The following STAC variants were observed in gnomAD, a reference collection of about 807,000 sequenced individuals.
The protein encoded by STAC is SH3 and cysteine rich domain, also known as SH3 and cysteine-rich domain-containing protein.
STAC carries 43 observed loss-of-function variants against 48.8 expected under a neutral mutation model. The ratio of observed to expected loss-of-function variants is 0.88; its 90% CI spans 0.69 to 1.14. STAC has a LOEUF of 1.14. Ranked by LOEUF, STAC falls within the 50% of genes most tolerant of loss-of-function variation. The pLI, the probability that STAC is intolerant of heterozygous loss-of-function variation, is 0.00. For missense variants in STAC, 497 were observed against 504.0 expected (o/e 0.99, Z 0.13); for synonymous variants, 193 against 179.5 (o/e 1.07, Z -0.60).
Position 36,403,494 on chromosome 3 carries a change from T to A in STAC, c.111+22740T>A, listed in dbSNP as rs539227190. 4.6e-5 allele frequency among the ~76,000 whole-genome samples: 7 copies of A among 151,558 alleles called. No individual in the cohort carries two copies. The East Asian group carries it at 1.4e-3, about 29-fold the overall frequency. Reference sequence around the variant, plus strand: ...AAAATTTTTTAATAGAAAAAAATTTTAAAAATTCAGTAGAAAAAAAGTTAT... The same window carrying A: ...AAAATTTTTTAATAGAAAAAAATTTAAAAAATTCAGTAGAAAAAAAGTTAT... On this transcript the variant is annotated intron_variant, in intron 1 of 10. Transcript: ENST00000273183.
At chr3:36,504,845 GAT>G (rs1386686791) in intron 7 of STAC, among the ~76,000 whole-genome samples, 8 of 151,716 alleles carry the variant, frequency 5.3e-5, no homozygotes, top group African/African-American at 1.9e-4. Context: ...TAGATAAAAA[GAT>G]ATATATAGTT....
At chr3:36,483,204 C>A in intron 3 of STAC, 112 bp downstream of exon 3, 1 of 731,846 alleles carries the variant, frequency 1.4e-6, no homozygotes. Flanking sequence ...CAAAGCACCC[C>A]AGAACTGGCT....
At chr3:36,493,329 C>T in intron 6 of STAC, 100 bp downstream of exon 6, 1 of 1,118,176 alleles carries the variant, frequency 8.9e-7, no homozygotes, top group South Asian at 1.3e-5. Context: ...TCTGCTAGCT[C>T]TGGAATTTAA....
At chr3:36,473,702 T>A (rs1298163342) in intron 2 of STAC, among the ~76,000 whole-genome samples, 2 of 152,184 alleles carry the variant, frequency 1.3e-5, no homozygotes, top group East Asian at 3.9e-4. Flanking sequence ...CATATTCACA[T>A]ATGAACACCC....
intron 10 of STAC, among the ~76,000 whole-genome samples, chr3:36,535,964 G>A (rs972678706): frequency 3.9e-5 from 6 of 152,070 alleles, no homozygotes; most frequent in East Asian, 1.9e-4. Context: ...TTTTAGTACC[G>A]GGATGATGCT....
intron 5 of STAC, among the ~76,000 whole-genome samples, chr3:36,492,016 AAAAAAAAAAAAAAAAATATATAT>A (rs1477515633): frequency 3.0e-5 from 1 of 33,166 alleles, no homozygotes; most frequent in East Asian, 9.5e-4. Context: ...AAAAAAAAAA[AAAAAAAAAAAAAAAAATATATAT>A]ATATATATAT....
intron 6 of STAC, among the ~76,000 whole-genome samples, chr3:36,503,621 T>G (rs1164160542): frequency 6.6e-6 from 1 of 151,916 alleles, no homozygotes; most frequent in Non-Finnish European, 1.5e-5. Flanking sequence ...TTAGTAGAGA[T>G]GGGGTTTCAC....
intron 2 of STAC, among the ~76,000 whole-genome samples, chr3:36,451,138 G>T (rs1696665589): frequency 6.6e-6 from 1 of 152,022 alleles, no homozygotes; most frequent in Non-Finnish European, 1.5e-5. Context: ...TTTTGTGTGT[G>T]TGTACTGTGT....
intron 2 of STAC, among the ~76,000 whole-genome samples, chr3:36,446,021 G>A (rs990093640): frequency 6.6e-6 from 1 of 152,154 alleles, no homozygotes; most frequent in African/African-American, 2.4e-5. Context: ...AATAAAAGTA[G>A]ACCAGGACCC....
chr3:36,504,439 G>A lies in STAC; in HGVS notation c.813G>A (p.Ala271=), dbSNP rs778023548. The change falls in exon 7 of 11, where the codon GCG becomes GCA. Residue 271 remains alanine (A), a synonymous_variant. Transcript: ENST00000273183. Reference sequence around the variant, plus strand: ...GCACTGATGATTTCAGAGATCCAGCGAAGAACATAAACCACCAGGTATTTA... The same window carrying A: ...GCACTGATGATTTCAGAGATCCAGCAAAGAACATAAACCACCAGGTATTTA... ...ENGTDDFRDP[A]KNINHQGSLS... is the part of the protein sequence containing the mutation. 19 of 1,613,388 alleles carry A rather than the reference G, an allele frequency of 1.2e-5. No individual in the cohort carries two copies. The highest frequency in any genetic ancestry group is 5.5e-5 in the South Asian group (5 of 91,062).
At chr3:36,445,441 G>T (rs1187626550) in intron 2 of STAC, among the ~76,000 whole-genome samples, 1 of 152,084 alleles carries the variant, frequency 6.6e-6, no homozygotes, top group Non-Finnish European at 1.5e-5. Flanking sequence ...AGAACAAAGG[G>T]GTTTAGAAAG....
At chr3:36,501,192 G>T (rs185972198) in intron 6 of STAC, among the ~76,000 whole-genome samples, 2 of 152,106 alleles carry the variant, frequency 1.3e-5, no homozygotes, top group Admixed American at 1.3e-4. Context: ...AAAACAACAC[G>T]TATCCAAAGT....
intron 2 of STAC, among the ~76,000 whole-genome samples, chr3:36,444,653 C>T (rs1319015408): frequency 6.6e-6 from 1 of 152,146 alleles, no homozygotes; most frequent in Admixed American, 6.5e-5. Flanking sequence ...GGGCAACCCC[C>T]TAGCCCCCAC....
chr3:36,514,473 C>A (rs1196226307), intron 8 of STAC, among the ~76,000 whole-genome samples: 1 of 151,892 alleles, frequency 6.6e-6, no homozygotes, highest in African/African-American at 2.4e-5. Context: ...TTCATGATGC[C>A]ATAGTTCTCT....
intron 1 of STAC, among the ~76,000 whole-genome samples, chr3:36,399,629 C>G (rs956139801): frequency 6.6e-6 from 1 of 152,200 alleles, no homozygotes; most frequent in Non-Finnish European, 1.5e-5. Context: ...AGCTGCCCTG[C>G]TCTCCTAAGA....
chr3:36,462,434 A>G (rs1489905945), intron 2 of STAC, among the ~76,000 whole-genome samples: 1 of 152,142 alleles, frequency 6.6e-6, no homozygotes, highest in Non-Finnish European at 1.5e-5. Flanking sequence ...TAATTTTGAA[A>G]TAATCATCAT....
Position 36,493,203 on chromosome 3 carries a change from A to G in STAC, c.740A>G (p.Tyr247Cys). The G allele has an allele frequency of 6.2e-7, 1 of 1,613,480 alleles. No homozygotes were observed. Among genetic ancestry groups the G allele is most frequent in the Middle Eastern group, 1.7e-4 (1 of 6,054 alleles). Reference sequence around the variant, plus strand: ...GAAGCCAATGGGCCAGGAGGCGGGTATGACCTAAGGAAACGCAGCAACAGC... The same window carrying G: ...GAAGCCAATGGGCCAGGAGGCGGGTGTGACCTAAGGAAACGCAGCAACAGC... ...PEEANGPGGG[Y>C]DLRKRSNSVF... The change falls in exon 6 of 11, where the codon TAT (tyrosine) becomes TGT (cysteine). Residue 247 changes from tyrosine (Y) to cysteine (C), a missense_variant. Transcript: ENST00000273183.
At chr3:36,412,797 A>G (rs1194624197) in intron 1 of STAC, among the ~76,000 whole-genome samples, 1 of 152,146 alleles carries the variant, frequency 6.6e-6, no homozygotes. Context: ...GTATTTTTTT[A>G]ATTCCTATGG....
At position 36,504,458 on chromosome 3, in the gene STAC, G is replaced by A. The variant is rs1036208393; in HGVS notation, c.831+1G>A. ...TCCAGCGAAGAACATAAACCACCAG[G>A]TATTTATGGATGTCACAGAAGACAA... On this transcript the variant is annotated splice_donor_variant, in intron 7 of 10. Transcript: ENST00000273183. LOFTEE classifies it high-confidence loss of function. 3 of 1,613,236 alleles carry A rather than the reference G, an allele frequency of 1.9e-6. No homozygotes were observed. The African/African-American group carries it at 4.0e-5, about 22-fold the overall frequency.
Sources: allele counts gnomAD v4.1 joint callset (sites outside exome capture counted in the v4.1 genomes callset), GRCh38; gene constraint gnomAD v4.1.1; transcripts MANE v1.5; gene names NCBI Gene and HGNC (gene_info 2026-07-23, HGNC 2026-07-21).